The following NMNAT2 variants were observed in gnomAD, a reference collection of about 807,000 sequenced individuals.
NMNAT2 encodes nicotinamide/nicotinic acid mononucleotide adenylyltransferase 2.
A neutral mutation model predicts 41.6 loss-of-function variants in NMNAT2; 11 were observed. The observed-to-expected ratio is 0.26, with a 90% confidence interval of 0.17 to 0.44. NMNAT2 has a LOEUF of 0.44. Ranked by LOEUF, NMNAT2 falls within the 20% of genes least tolerant of loss-of-function variation. NMNAT2 has a pLI of 1.00. For synonymous variants in NMNAT2, 148 were observed against 151.2 expected (o/e 0.98, Z 0.16); for missense variants, 288 against 407.7 (o/e 0.71, Z 2.53).
intron 1 of NMNAT2, among the ~76,000 whole-genome samples, chr1:183,410,191 C>T (rs550616492): frequency 8.9e-4 from 133 of 150,042 alleles, no homozygotes; most frequent in Non-Finnish European, 1.7e-3. Context: ...GGCATGATGG[C>T]GGGTGCCTGT....
chr1:183,272,973 G>C (rs1444789291), intron 8 of NMNAT2, among the ~76,000 whole-genome samples: 2 of 152,208 alleles, frequency 1.3e-5, no homozygotes, highest in African/African-American at 4.8e-5. Context: ...GCCTAAAGCT[G>C]CCTCCCTGCA....
In NMNAT2 at chr1:183,290,222, A is replaced by T; in HGVS notation, c.243-16T>A. The T allele has an allele frequency of 6.4e-7, 1 of 1,557,702 alleles. No individual in the cohort carries two copies. The highest frequency in any genetic ancestry group is 2.4e-5 in the East Asian group (1 of 42,338). On this transcript the variant is annotated splice_polypyrimidine_tract_variant and intron_variant, in intron 3 of 10. Transcript: ENST00000287713. ...AGGGTCCACCCTAACATCATCGGAA[A>T]GAAGTTTCCCTTGGTTTCTGTTCTC...
intron 7 of NMNAT2, among the ~76,000 whole-genome samples, chr1:183,280,087 C>A (rs140099899): frequency 1.7e-4 from 26 of 152,326 alleles, no homozygotes; most frequent in Middle Eastern, 3.4e-3. Flanking sequence ...TTGCCTGAGT[C>A]AGTGGCGCCT....
intron 1 of NMNAT2, among the ~76,000 whole-genome samples, chr1:183,365,340 G>A (rs1203583726): frequency 6.6e-6 from 1 of 152,088 alleles, no homozygotes; most frequent in Non-Finnish European, 1.5e-5. Context: ...TAGGAATTGA[G>A]AAAGACAGCA....
intron 5 of NMNAT2, 67 bp downstream of exon 5, chr1:183,286,595 G>A (rs1358909201): frequency 8.6e-6 from 12 of 1,400,130 alleles, no homozygotes; most frequent in Non-Finnish European, 1.2e-5. Flanking sequence ...GATCCCAGTA[G>A]TCATTAATTT....
intron 1 of NMNAT2, among the ~76,000 whole-genome samples, chr1:183,317,468 C>T (rs1394103026): frequency 2.6e-5 from 4 of 152,078 alleles, no homozygotes; most frequent in Admixed American, 6.5e-5. Flanking sequence ...GAGGTCTCAC[C>T]ACCATGTTGC....
chr1:183,326,368 T>C (rs1307373156), intron 1 of NMNAT2, among the ~76,000 whole-genome samples: 4 of 79,188 alleles, frequency 5.1e-5, no homozygotes, highest in Non-Finnish European at 6.3e-5. Context: ...AGAGTGAGAC[T>C]CCATCTCAAA....
intron 10 of NMNAT2, among the ~76,000 whole-genome samples, chr1:183,256,021 GGCATTCTTGCTTTATATCA>G (rs1365443962): frequency 1.1e-3 from 171 of 152,006 alleles, no homozygotes; most frequent in Non-Finnish European, 1.9e-3. Flanking sequence ...GGGAATAGTG[GGCATTCTTGCTTTATATCA>G]GGTCTTAGAG....
chr1:183,250,595 C>T lies in NMNAT2; in HGVS notation c.*2046G>A, dbSNP rs937584615. 2 of 152,588 alleles carry T rather than the reference C, an allele frequency of 1.3e-5. No individual in the cohort carries two copies. The highest frequency in any genetic ancestry group is 3.9e-4 in the East Asian group (2 of 5,184). The allele number at this position is 152,588 out of a possible 1,614,324, so 9.5% of individuals were successfully genotyped here. On this transcript the variant is annotated 3_prime_UTR_variant, in exon 11 of 11. Coordinates refer to ENST00000287713, the MANE Select transcript of NMNAT2 (RefSeq NM_015039.4). Reference sequence around the variant, plus strand: ...GTCAGGCCCTACACCTGCTGGCTGACCTGGACCAGCCATTTAATCCCATGG... The same window carrying T: ...GTCAGGCCCTACACCTGCTGGCTGATCTGGACCAGCCATTTAATCCCATGG...
rs141465714 is a variant in NMNAT2 at position 183,318,943 on chromosome 1, T to C, written c.86-25150A>G. Among the ~76,000 whole-genome samples, 502 of 152,332 alleles carry C rather than the reference T, an allele frequency of 3.3e-3. 4 individuals carry two copies. The highest frequency in any genetic ancestry group is 0.012 in the African/African-American group (487 of 41,568). On this transcript the variant is annotated intron_variant, in intron 1 of 10. Transcript: ENST00000287713. ...AGGTGGTATCATTAAGCACAATTTATAGATGAGAAGTTAAGGACTTGCTTA... is the reference window on the plus strand; with the variant it reads ...AGGTGGTATCATTAAGCACAATTTACAGATGAGAAGTTAAGGACTTGCTTA...
intron 4 of NMNAT2, among the ~76,000 whole-genome samples, chr1:183,288,565 T>C (rs1034300714): frequency 1.3e-5 from 2 of 152,222 alleles, no homozygotes; most frequent in African/African-American, 4.8e-5. Context: ...CCCGGGCATT[T>C]AGACATCAAA....
intron 10 of NMNAT2, among the ~76,000 whole-genome samples, chr1:183,255,068 T>C (rs1185783384): frequency 6.6e-6 from 1 of 152,216 alleles, no homozygotes; most frequent in Non-Finnish European, 1.5e-5. Flanking sequence ...CTTAGGTTCT[T>C]TATCCATTTT....
intron 1 of NMNAT2, among the ~76,000 whole-genome samples, chr1:183,305,047 C>T (rs1299920239): frequency 2.0e-5 from 3 of 152,068 alleles, no homozygotes; most frequent in African/African-American, 4.8e-5. Context: ...ATTCCCATCC[C>T]GCATCCTTTC....
At chr1:183,410,464 C>T (rs1424635885) in intron 1 of NMNAT2, among the ~76,000 whole-genome samples, 2 of 152,162 alleles carry the variant, frequency 1.3e-5, no homozygotes, top group Non-Finnish European at 2.9e-5. Context: ...TACTGAACTG[C>T]TAACAAAGGG....
At chr1:183,300,754 C>T (rs1661828806) in intron 1 of NMNAT2, among the ~76,000 whole-genome samples, 1 of 152,154 alleles carries the variant, frequency 6.6e-6, no homozygotes, top group Non-Finnish European at 1.5e-5. Context: ...GGTGTGCAAA[C>T]CCAGGCAGTG....
At chr1:183,368,263 G>T (rs1367426344) in intron 1 of NMNAT2, among the ~76,000 whole-genome samples, 1 of 152,150 alleles carries the variant, frequency 6.6e-6, no homozygotes, top group African/African-American at 2.4e-5. Context: ...AGCTCGGAGG[G>T]CTTTGCAGAG....
chr1:183,387,775 T>C (rs1423410428), intron 1 of NMNAT2, among the ~76,000 whole-genome samples: 1 of 152,192 alleles, frequency 6.6e-6, no homozygotes, highest in Non-Finnish European at 1.5e-5. Context: ...ACCACTTCAT[T>C]GGTGTTTTCA....
intron 1 of NMNAT2, among the ~76,000 whole-genome samples, chr1:183,392,471 G>T (rs1209353619): frequency 6.6e-6 from 1 of 152,200 alleles, no homozygotes; most frequent in African/African-American, 2.4e-5. Context: ...GTTCTCATCA[G>T]TGCAGCTAGA....
intron 1 of NMNAT2, among the ~76,000 whole-genome samples, chr1:183,338,916 G>C (rs982977484): frequency 6.6e-6 from 1 of 152,110 alleles, no homozygotes. Context: ...CTCGGGCTAT[G>C]AGTTGGCATG....
Sources: allele counts gnomAD v4.1 joint callset (sites outside exome capture counted in the v4.1 genomes callset), GRCh38; gene constraint gnomAD v4.1.1; transcripts MANE v1.5; gene names NCBI Gene and HGNC (gene_info 2026-07-23, HGNC 2026-07-21).